The following CYP27B1 variants were observed in gnomAD, a reference collection of about 807,000 sequenced individuals.
CYP27B1 encodes the protein cytochrome P450 family 27 subfamily B member 1.
Under a neutral mutation model 54.8 loss-of-function variants are expected in CYP27B1, and 46 were observed. The observed-to-expected ratio is 0.84, with a 90% CI of 0.66 to 1.07. The LOEUF is 1.07. CYP27B1 is among the 50% of genes least tolerant of loss of function. The probability of loss-of-function intolerance (pLI) is 0.00; values close to 1 mark genes in which losing one functional copy is unlikely to be tolerated. For synonymous variants in CYP27B1, 292 were observed against 297.3 expected, an observed-to-expected ratio of 0.98 and a Z score of 0.18; for missense variants, 674 against 692.2, an observed-to-expected ratio of 0.97 and a Z score of 0.30.
Position 57,763,020 on chromosome 12 carries a change from G to T in CYP27B1, c.*122C>A, listed in dbSNP as rs1955330803. 1.3e-6 allele frequency: 1 copy of T among 744,782 alleles called. No individual in the cohort carries two copies. Among genetic ancestry groups the T allele is most frequent in the Non-Finnish European group, 2.4e-6 (1 of 416,762 alleles). 46.1% of individuals were successfully genotyped at this position (744,782 alleles called of 1,614,324 possible). A position where few individuals can be genotyped will look rare whatever the true frequency, so the allele number is the denominator to read the frequency against. Reference sequence around the variant, plus strand: ...GGGCCGCCTCACACTTCACTATGGTGGTTCTATCCAGTTTGGTCAGATAGG... The same window carrying T: ...GGGCCGCCTCACACTTCACTATGGTTGTTCTATCCAGTTTGGTCAGATAGG... On this transcript the variant is annotated 3_prime_UTR_variant, in exon 9 of 9. Coordinates refer to ENST00000228606, the MANE Select transcript of CYP27B1 (RefSeq NM_000785.4).
At chr12:57,763,378 C>G in intron 8 of CYP27B1, 123 bp from the exon 9 acceptor site, 1 of 885,614 alleles carries the variant, frequency 1.1e-6, no homozygotes, top group Non-Finnish European at 1.9e-6. Context: ...TGGGTGGCAC[C>G]TGTGGCCAGT....
chr12:57,762,901 A>G lies in CYP27B1; in HGVS notation c.*241T>C. ...ATCTGATTTCATCCTTGGGGGATGC[A>G]TACATGATCAGAAGGGCCAAGCAAG... On this transcript the variant is annotated 3_prime_UTR_variant, in exon 9 of 9. Coordinates refer to ENST00000228606, the MANE Select transcript of CYP27B1 (RefSeq NM_000785.4). The G allele has an allele frequency of 4.0e-6, 2 of 505,016 alleles. No homozygotes were observed. Among genetic ancestry groups the G allele is most frequent in the South Asian group, 2.0e-5 (1 of 50,444 alleles). The allele number at this position is 505,016 out of a possible 1,614,324, so 31.3% of individuals were successfully genotyped here. A position where few individuals can be genotyped will look rare whatever the true frequency, so the allele number is the denominator to read the frequency against.
At chr12:57,764,623 C>T in intron 5 of CYP27B1, 73 bp from the exon 6 acceptor site, 4 of 1,596,990 alleles carry the variant, frequency 2.5e-6, no homozygotes, top group Non-Finnish European at 3.4e-6. Context: ...ATGGAAGAGT[C>T]TGGGGCTACA....
rs771410002 is a variant in CYP27B1 at position 57,766,021 on chromosome 12, G to T, written c.372C>A (p.Cys124Ter). 1 of 1,571,294 alleles carries T rather than the reference G, an allele frequency of 6.4e-7. No homozygotes were observed. The highest frequency in any genetic ancestry group is 8.6e-7 in the Non-Finnish European group (1 of 1,163,654). The change falls in exon 2 of 9, where the codon TGC (cysteine) becomes TGA (stop). Residue 124 changes from cysteine to a stop codon, truncating the protein, a stop_gained. Coordinates refer to ENST00000228606, the MANE Select transcript of CYP27B1 (RefSeq NM_000785.4). LOFTEE classifies it high-confidence loss of function. The part of the protein sequence containing the change: ...TEHRRCRQRA[C>*]GLLTAEGEEW... ...AGAAGACTCACGCAGTGAGCAGTCCGCAAGCCCGCTGGCGGCAGCGGCGGT... is the reference window on the plus strand; with the variant it reads ...AGAAGACTCACGCAGTGAGCAGTCCTCAAGCCCGCTGGCGGCAGCGGCGGT...
At chr12:57,766,738 T>A in intron 1 of CYP27B1, 109 bp downstream of exon 1, 3 of 1,208,004 alleles carry the variant, frequency 2.5e-6, no homozygotes, top group Non-Finnish European at 3.6e-6. Flanking sequence ...TTCATGGGCA[T>A]CCGTTCTCTC....
In CYP27B1 at chr12:57,762,978, A is replaced by G; in HGVS notation, c.*164T>C. On this transcript the variant is annotated 3_prime_UTR_variant, in exon 9 of 9. Coordinates refer to ENST00000228606, the MANE Select transcript of CYP27B1 (RefSeq NM_000785.4). The stretch of plus-strand genomic sequence containing the variant: ...GCTTCCTGAGTCAGGCCAAGTGCAT[A>G]CTTCACACATTGGTCAGGGCCGCCT... The G allele has an allele frequency of 1.5e-6, 1 of 655,444 alleles. No homozygotes were observed. 40.6% of individuals were successfully genotyped at this position (655,444 alleles called of 1,614,324 possible).
Position 57,763,011 on chromosome 12 carries a change from C to T in CYP27B1, c.*131G>A. On this transcript the variant is annotated 3_prime_UTR_variant, in exon 9 of 9. Coordinates refer to ENST00000228606, the MANE Select transcript of CYP27B1 (RefSeq NM_000785.4). ...CATTGGTCAGGGCCGCCTCACACTT[C>T]ACTATGGTGGTTCTATCCAGTTTGG... is the stretch of plus-strand genomic sequence containing the variant. 1 of 730,078 alleles carries T rather than the reference C, an allele frequency of 1.4e-6. No individual in the cohort carries two copies. The highest frequency in any genetic ancestry group is 2.5e-6 in the Non-Finnish European group (1 of 404,820). The allele number at this position is 730,078 out of a possible 1,614,324, so 45.2% of individuals were successfully genotyped here. A position where few individuals can be genotyped will look rare whatever the true frequency, so the allele number is the denominator to read the frequency against.
Position 57,766,199 on chromosome 12 carries a change from T to C in CYP27B1, c.196-2A>G, listed in dbSNP as rs772960103. ...CCCGAAGTGCGCGGCGCCCTGCACCTGGGGGAGCGGACACAGCGGACACTT... is the reference window on the plus strand; with the variant it reads ...CCCGAAGTGCGCGGCGCCCTGCACCCGGGGGAGCGGACACAGCGGACACTT... On this transcript the variant is annotated splice_acceptor_variant, in intron 1 of 8. Coordinates refer to ENST00000228606, the MANE Select transcript of CYP27B1 (RefSeq NM_000785.4). LOFTEE classifies it high-confidence loss of function. The C allele has an allele frequency of 5.9e-6, 9 of 1,533,742 alleles. No homozygotes were observed. Among genetic ancestry groups the C allele is most frequent in the Non-Finnish European group, 7.9e-6 (9 of 1,139,360 alleles).
At chr12:57,763,324 A>G in intron 8 of CYP27B1, 69 bp from the exon 9 acceptor site, 2 of 1,186,358 alleles carry the variant, frequency 1.7e-6, no homozygotes, top group East Asian at 2.4e-5. Context: ...TGGTAATCCA[A>G]TTGGTAAAGG....
chr12:57,762,869 A>T lies in CYP27B1; in HGVS notation c.*273T>A. 2.3e-6 allele frequency: 1 copy of T among 427,606 alleles called. No homozygotes were observed. Among genetic ancestry groups the T allele is most frequent in the Non-Finnish European group, 4.4e-6 (1 of 227,162 alleles). The allele number at this position is 427,606 out of a possible 1,614,324, so 26.5% of individuals were successfully genotyped here. A position where few individuals can be genotyped will look rare whatever the true frequency, so the allele number is the denominator to read the frequency against. On this transcript the variant is annotated 3_prime_UTR_variant, in exon 9 of 9. Transcript: ENST00000228606. The stretch of plus-strand genomic sequence containing the variant: ...TTTCCTCAGGCCATCCAGCATTATT[A>T]GTTAAAATCTGATTTCATCCTTGGG...
chr12:57,766,015 C>T lies in CYP27B1; in HGVS notation c.378G>A (p.Leu126=). 6.4e-7 allele frequency: 1 copy of T among 1,570,754 alleles called. No homozygotes were observed. The highest frequency in any genetic ancestry group is 8.6e-7 in the Non-Finnish European group (1 of 1,163,278). Residue 126 remains leucine (L), a synonymous_variant, in exon 2 of 9, where the codon CTG becomes CTA. Transcript: ENST00000228606. The part of the protein sequence containing the change: ...HRRCRQRACG[L]LTAEGEEWQR... ...GGGCAGAGAAGACTCACGCAGTGAG[C>T]AGTCCGCAAGCCCGCTGGCGGCAGC...
At position 57,765,416 on chromosome 12, in the gene CYP27B1, G is replaced by T. The variant is rs1320931254; in HGVS notation, c.470C>A (p.Thr157Asn). The T allele has an allele frequency of 6.2e-7, 1 of 1,613,072 alleles. No individual in the cohort carries two copies. ...RPQAAARYAG[T>N]LNNVVCDLVR... ...AAGGTCGCAGACTACGTTGTTCAGGGTTCCGGCGTAGCGGGCGGCCGCTTG... is the reference window on the plus strand; with the variant it reads ...AAGGTCGCAGACTACGTTGTTCAGGTTTCCGGCGTAGCGGGCGGCCGCTTG... Residue 157 changes from threonine (T) to asparagine (N), a missense_variant, in exon 3 of 9, where the codon ACC becomes AAC. Thr to Asn is a moderately conservative substitution (Grantham distance 65). Coordinates refer to ENST00000228606, the MANE Select transcript of CYP27B1 (RefSeq NM_000785.4). This position sits in a 1 kb window ranked among gnomAD's most constrained non-coding sequence, Gnocchi z 5.8.
rs1245091475 is a variant in CYP27B1, at chr12:57,762,498, A to G, written c.*644T>C. On this transcript the variant is annotated 3_prime_UTR_variant, in exon 9 of 9. Transcript: ENST00000228606. ...AGTGGCCAGAGAGCAAAGGAGAGTT[A>G]TAAGAAACCGTAAACCAGGCTAGGG... 1 of 158,164 alleles carries G rather than the reference A, an allele frequency of 6.3e-6. No homozygotes were observed. The highest frequency in any genetic ancestry group is 1.4e-5 in the Non-Finnish European group (1 of 71,202). 9.8% of individuals were successfully genotyped at this position (158,164 alleles called of 1,614,324 possible).
Position 57,764,524 on chromosome 12 carries a change from C to G in CYP27B1, c.990G>C (p.Leu330=), listed in dbSNP as rs775708027. 10 of 1,614,010 alleles carry G rather than the reference C, an allele frequency of 6.2e-6. No homozygotes were observed. The change falls in exon 6 of 9, where the codon CTG becomes CTC. Residue 330 remains leucine, a synonymous_variant. Coordinates refer to ENST00000228606, the MANE Select transcript of CYP27B1 (RefSeq NM_000785.4). Reference sequence around the variant, plus strand: ...CTTCGGGGTGCCGGGAGAGCTCATACAGAGCCCAAGAGAGCGTGTTGGACA... The same window carrying G: ...CTTCGGGGTGCCGGGAGAGCTCATAGAGAGCCCAAGAGAGCGTGTTGGACA... ...DTVSNTLSWA[L]YELSRHPEVQ...
At position 57,762,690 on chromosome 12, in the gene CYP27B1, G is replaced by C. The variant is rs758207671; in HGVS notation, c.*452C>G. The C allele has an allele frequency of 2.4e-5, 6 of 249,270 alleles. No individual in the cohort carries two copies. The highest frequency in any genetic ancestry group is 9.3e-5 in the East Asian group (1 of 10,704). The allele number at this position is 249,270 out of a possible 1,614,324, so 15.4% of individuals were successfully genotyped here. On this transcript the variant is annotated 3_prime_UTR_variant, in exon 9 of 9. Coordinates refer to ENST00000228606, the MANE Select transcript of CYP27B1 (RefSeq NM_000785.4). ...GCAGGGGACATAAAAAACAAATAAG[G>C]CTTCACCCTTCCTCTCAAAGAGCTT...
chr12:57,765,659 C>T lies in CYP27B1; in HGVS notation c.387-160G>A, dbSNP rs35569378. ...CACCGGCCTGCGCCTGTCTTCCAGCCCCCTTCCTCTTTACTCATTTCCTGC... is the reference window on the plus strand; with the variant it reads ...CACCGGCCTGCGCCTGTCTTCCAGCTCCCTTCCTCTTTACTCATTTCCTGC... On this transcript the variant is annotated intron_variant, in intron 2 of 8. Coordinates refer to ENST00000228606, the MANE Select transcript of CYP27B1 (RefSeq NM_000785.4). The surrounding 1 kb of genome is among the most constrained non-coding windows in gnomAD (Gnocchi z 5.8). 6.5e-3 allele frequency: 6,009 copies of T among 926,670 alleles called. 37 individuals are homozygous for T. Among genetic ancestry groups the T allele is most frequent in the Non-Finnish European group, 7.6e-3 (4,401 of 579,804 alleles). 57.4% of individuals were successfully genotyped at this position (926,670 alleles called of 1,614,324 possible). A position where few individuals can be genotyped will look rare whatever the true frequency, so the allele number is the denominator to read the frequency against.
At chr12:57,763,519 G>A in intron 8 of CYP27B1, 92 bp downstream of exon 8, 2 of 1,163,470 alleles carry the variant, frequency 1.7e-6, no homozygotes, top group Admixed American at 3.4e-5. Context: ...GGTCTTATAT[G>A]ATTTCCTATG....
rs780275124 is a variant in CYP27B1, at chr12:57,765,549, C to A, written c.387-50G>T. On this transcript the variant is annotated intron_variant, in intron 2 of 8. Coordinates refer to ENST00000228606, the MANE Select transcript of CYP27B1 (RefSeq NM_000785.4). This position sits in a 1 kb window ranked among gnomAD's most constrained non-coding sequence, Gnocchi z 5.8. ...CATCGGGAAGGTGGGGACGGCTCGA[C>A]GGGACTGGCTGCAGTGAAGGAGCGC... is the stretch of plus-strand genomic sequence containing the variant. The A allele has an allele frequency of 9.7e-6, 15 of 1,554,070 alleles. No homozygotes were observed. The highest frequency in any genetic ancestry group is 1.2e-5 in the Non-Finnish European group (14 of 1,142,020).
chr12:57,765,526 T>C lies in CYP27B1; in HGVS notation c.387-27A>G, dbSNP rs752406850. On this transcript the variant is annotated intron_variant, in intron 2 of 8. Transcript: ENST00000228606. The surrounding 1 kb of genome is among the most constrained non-coding windows in gnomAD (Gnocchi z 5.8). ...TGCAGGGTTGAGGAGAGAGTGCGCATCGGGAAGGTGGGGACGGCTCGACGG... is the reference window on the plus strand; with the variant it reads ...TGCAGGGTTGAGGAGAGAGTGCGCACCGGGAAGGTGGGGACGGCTCGACGG... 5.7e-6 allele frequency: 9 copies of C among 1,592,402 alleles called. No individual in the cohort carries two copies. Among genetic ancestry groups the C allele is most frequent in the Non-Finnish European group, 7.7e-6 (9 of 1,169,744 alleles).
Sources: gnomAD v4.1 joint callset for allele counts on GRCh38, gnomAD v4.1.1 for gene constraint, Gnocchi (gnomAD v3.1) non-coding constraint, MANE v1.5 for transcripts, NCBI Gene and HGNC (gene_info 2026-07-23, HGNC 2026-07-21) for gene names.